Variants in RBFOX1 observed in about 807,000 individuals in gnomAD.
RBFOX1 encodes the protein RNA binding protein fox-1 homolog 1.
RBFOX1 carries 8 observed loss-of-function variants against 57.7 expected under a neutral mutation model. The ratio of observed to expected loss-of-function variants is 0.14; its 90% CI spans 0.08 to 0.25. RBFOX1 has a LOEUF of 0.25. Ranked by LOEUF, RBFOX1 falls within the 10% of genes least tolerant of loss-of-function variation. The pLI is 1.00. For missense variants in RBFOX1, 611 were observed against 548.5 expected, an observed-to-expected ratio of 1.11 and a Z score of -1.14; for synonymous variants, 326 against 222.4, an observed-to-expected ratio of 1.47 and a Z score of -4.15.
intron 2 of RBFOX1, among the ~76,000 whole-genome samples, chr16:6,502,569 A>G (rs888382549): frequency 6.6e-6 from 1 of 152,148 alleles, no homozygotes; most frequent in African/African-American, 2.4e-5. Flanking sequence ...AGATTTTAGT[A>G]ATTATTAACT....
chr16:6,309,594 A>T (rs1463886437), intron 1 of RBFOX1, among the ~76,000 whole-genome samples: 1 of 152,070 alleles, frequency 6.6e-6, no homozygotes, highest in Admixed American at 6.6e-5. Context: ...CAGCCCAAAC[A>T]TTAGAAATCT....
At chr16:5,979,733 G>A (rs1280752581) in intron 4 of RBFOX1, among the ~76,000 whole-genome samples, 1 of 152,144 alleles carries the variant, frequency 6.6e-6, no homozygotes, top group Admixed American at 6.5e-5. Flanking sequence ...GTGGTGGTGT[G>A]CACCTGTAGT....
At chr16:5,745,017 G>T (rs1484890084) in intron 3 of RBFOX1, among the ~76,000 whole-genome samples, 1 of 152,064 alleles carries the variant, frequency 6.6e-6, no homozygotes. Flanking sequence ...ATATGTATAC[G>T]TGTGCCCTGT....
At chr16:6,232,908 A>C (rs1284213069) in intron 1 of RBFOX1, among the ~76,000 whole-genome samples, 1 of 152,114 alleles carries the variant, frequency 6.6e-6, no homozygotes, top group Non-Finnish European at 1.5e-5. Flanking sequence ...CTTCTGTGAG[A>C]TGTGGACAGC....
chr16:5,243,190 T>C (rs2062212081), intron 1 of RBFOX1, among the ~76,000 whole-genome samples: 3 of 152,198 alleles, frequency 2.0e-5, no homozygotes, highest in African/African-American at 7.2e-5. Flanking sequence ...AAGTCTCTCC[T>C]AGGTATTTGG....
intron 1 of RBFOX1, among the ~76,000 whole-genome samples, chr16:6,147,090 C>T (rs781178721): frequency 6.6e-6 from 1 of 152,140 alleles, no homozygotes; most frequent in Admixed American, 6.5e-5. Context: ...CTTCCACCCA[C>T]GGAATCAGAA....
At position 6,126,258 on chromosome 16, in the gene RBFOX1, C is replaced by T. The variant is rs181830442; in HGVS notation, c.-127+106266C>T. ...AATTTCAGATAGTCAAGAGCGCCAG[C>T]GCATCGAGGAACAGTGACCTAACCT... On this transcript the variant is annotated intron_variant, in intron 1 of 15. Transcript: ENST00000550418. Among the ~76,000 whole-genome samples, 288 of 152,300 alleles carry T rather than the reference C, an allele frequency of 1.9e-3. 5 individuals are homozygous for T. Among genetic ancestry groups the T allele is most frequent in the Non-Finnish European group, 3.4e-4 (23 of 68,030 alleles).
chr16:7,304,077 C>T (rs1209683526), intron 4 of RBFOX1: 3 of 443,486 alleles, frequency 6.8e-6, no homozygotes, highest in African/African-American at 4.3e-5. Context: ...TCCAGGTCCC[C>T]GCAAGTGTTT....
chr16:7,578,579 G>A (rs536652245), intron 5 of RBFOX1, among the ~76,000 whole-genome samples: 20 of 152,116 alleles, frequency 1.3e-4, no homozygotes, highest in Non-Finnish European at 2.4e-4. Context: ...TCTCTCGGTC[G>A]TTATTATTTT....
intron 2 of RBFOX1, among the ~76,000 whole-genome samples, chr16:6,493,233 A>T (rs894188060): frequency 1.3e-5 from 2 of 152,128 alleles, no homozygotes; most frequent in South Asian, 4.1e-4. Context: ...ACTGAAAATC[A>T]TTGGATTCAC....
At chr16:6,680,420 A>T (rs572699471) in intron 3 of RBFOX1, among the ~76,000 whole-genome samples, 1 of 150,758 alleles carries the variant, frequency 6.6e-6, no homozygotes, top group East Asian at 2.0e-4. Flanking sequence ...CTGCCACCAC[A>T]CCTGGCTAAT....
Position 6,624,788 on chromosome 16 carries a change from A to AATTTTTTC in RBFOX1, c.-63-29805_-63-29798dup, listed in dbSNP as rs1298593490. On this transcript the variant is annotated intron_variant, in intron 2 of 15. Coordinates refer to ENST00000550418, the MANE Select transcript of RBFOX1 (RefSeq NM_018723.4). ...GTCAAGTCAGTGAAGGCAATTCTTT[A>AATTTTTTC]ATTTTTTCATTTTTTCAGTGAATAC... 2.0e-5 allele frequency among the ~76,000 whole-genome samples: 3 copies of AATTTTTTC among 152,212 alleles called. No individual in the cohort carries two copies. The East Asian group carries it at 5.8e-4, about 29-fold the overall frequency.
At chr16:5,890,038 G>T (rs150729793) in intron 4 of RBFOX1, among the ~76,000 whole-genome samples, 4 of 152,306 alleles carry the variant, frequency 2.6e-5, no homozygotes, top group African/African-American at 9.6e-5. Context: ...CACGGGGTGT[G>T]TTGACTGGCA....
intron 4 of RBFOX1, among the ~76,000 whole-genome samples, chr16:7,157,572 C>T (rs1157615636): frequency 1.3e-5 from 2 of 151,944 alleles, no homozygotes; most frequent in Non-Finnish European, 2.9e-5. Flanking sequence ...AGTCCAGGCA[C>T]GTGAAAATAT....
intron 3 of RBFOX1, among the ~76,000 whole-genome samples, chr16:5,641,092 C>T (rs1448976479): frequency 6.6e-6 from 1 of 151,662 alleles, no homozygotes; most frequent in Non-Finnish European, 1.5e-5. Flanking sequence ...CACATGCACA[C>T]CATGCATACA....
intron 4 of RBFOX1, among the ~76,000 whole-genome samples, chr16:7,478,563 G>C (rs960236699): frequency 6.6e-6 from 1 of 152,110 alleles, no homozygotes; most frequent in Non-Finnish European, 1.5e-5. Flanking sequence ...CTTGATGCTG[G>C]GCATTGGCAC....
At chr16:7,255,752 C>T (rs1277692691) in intron 4 of RBFOX1, among the ~76,000 whole-genome samples, 1 of 152,110 alleles carries the variant, frequency 6.6e-6, no homozygotes, top group Admixed American at 6.6e-5. Context: ...CAACATATTT[C>T]AATATATAAT....
intron 2 of RBFOX1, among the ~76,000 whole-genome samples, chr16:6,602,957 C>A (rs182994397): frequency 1.3e-5 from 2 of 152,076 alleles, no homozygotes; most frequent in Admixed American, 6.6e-5. Context: ...TGACTTGAGC[C>A]GGTGCTGTTA....
At chr16:6,752,053 G>A (rs2075027594) in intron 3 of RBFOX1, among the ~76,000 whole-genome samples, 2 of 152,210 alleles carry the variant, frequency 1.3e-5, no homozygotes, top group South Asian at 2.1e-4. Flanking sequence ...ACTTCAGAAA[G>A]GTGTTAATTT....
Sources: gnomAD v4.1 joint callset for allele counts (sites outside exome capture counted in the v4.1 genomes callset) on GRCh38, gnomAD v4.1.1 for gene constraint, MANE v1.5 for transcripts, NCBI Gene and HGNC (gene_info 2026-07-23, HGNC 2026-07-21) for gene names.